NBEA: variants seen among roughly 807,000 people sequenced by gnomAD.
The protein encoded by NBEA is neurobeachin.
NBEA carries 44 observed loss-of-function variants against 343.4 expected under a neutral mutation model. The ratio of observed to expected loss-of-function variants is 0.13; its 90% CI spans 0.10 to 0.16. The LOEUF is 0.16. NBEA is among the 10% of genes least tolerant of loss of function. The probability of loss-of-function intolerance (pLI) is 1.00; values close to 1 mark genes in which losing one functional copy is unlikely to be tolerated. For synonymous variants in NBEA, 1,175 were observed against 1,238.7 expected, an observed-to-expected ratio of 0.95 and a Z score of 1.08; for missense variants, 2,555 against 3,631.3, an observed-to-expected ratio of 0.70 and a Z score of 7.62.
rs951956158 is a variant in NBEA, at chr13:35,498,173, G to A, written c.6585+25637G>A. Among the ~76,000 whole-genome samples, 183 of 152,020 alleles carry A rather than the reference G, an allele frequency of 1.2e-3. 2 individuals carry two copies. Among genetic ancestry groups the A allele is most frequent in the Non-Finnish European group, 2.8e-4 (19 of 67,956 alleles). ...CTTATAAGGATATTTTACTGTTTAT[G>A]TATAGGTTAAATACTTCACTTGTAA... On this transcript the variant is annotated intron_variant, in intron 41 of 58. Coordinates refer to ENST00000379939, the MANE Select transcript of NBEA (RefSeq NM_001385012.1).
chr13:35,251,401 C>T, intron 34 of NBEA: 1 of 1,047,474 alleles, frequency 9.5e-7, no homozygotes, highest in Non-Finnish European at 1.2e-6. Flanking sequence ...TGCCATCTGT[C>T]ACTACAGAGA....
rs562569613 is a variant in NBEA at position 35,141,069 on chromosome 13, C to T, written c.2337-1200C>T. 2.6e-5 allele frequency among the ~76,000 whole-genome samples: 4 copies of T among 152,178 alleles called. No individual in the cohort carries two copies. In the South Asian group the frequency reaches 8.3e-4, roughly 32 times the overall value. ...TCTTCACATTTTATTGGCTAGAACT[C>T]AGTTAAATAGTCACACTTAGCTATA... On this transcript the variant is annotated intron_variant, in intron 17 of 58. Coordinates refer to ENST00000379939, the MANE Select transcript of NBEA (RefSeq NM_001385012.1).
At chr13:35,277,520 C>T (rs564298253) in intron 34 of NBEA, among the ~76,000 whole-genome samples, 1 of 147,234 alleles carries the variant, frequency 6.8e-6, no homozygotes, top group Non-Finnish European at 1.5e-5. Context: ...ACTCAGGAGG[C>T]TGAGGCAGGA....
At chr13:35,229,534 A>C (rs961623206) in intron 33 of NBEA, among the ~76,000 whole-genome samples, 1 of 152,046 alleles carries the variant, frequency 6.6e-6, no homozygotes, top group Non-Finnish European at 1.5e-5. Context: ...TTTTTATAGG[A>C]CTTAAGGGCA....
chr13:35,171,212 GTATTA>G (rs778362066), intron 25 of NBEA, 55 bp from the exon 26 acceptor site: 3 of 1,260,204 alleles, frequency 2.4e-6, no homozygotes, highest in Non-Finnish European at 3.4e-6. Flanking sequence ...GTATGTATAT[GTATTA>G]TATTTCCAAA....
chr13:35,653,320 C>A (rs2084649862), intron 53 of NBEA, among the ~76,000 whole-genome samples: 1 of 127,724 alleles, frequency 7.8e-6, no homozygotes, highest in Non-Finnish European at 1.6e-5. Context: ...GTGTTTTATT[C>A]TTGGGTTCTT....
At chr13:35,314,773 T>C (rs1388237021) in intron 36 of NBEA, among the ~76,000 whole-genome samples, 3 of 152,206 alleles carry the variant, frequency 2.0e-5, no homozygotes, top group Non-Finnish European at 4.4e-5. Context: ...TTACAGCTGC[T>C]ATAAGTCCTT....
chr13:35,479,141 TAG>T (rs1377555306), intron 41 of NBEA, among the ~76,000 whole-genome samples: 1 of 152,248 alleles, frequency 6.6e-6, no homozygotes, highest in Non-Finnish European at 1.5e-5. Flanking sequence ...TCATTAGATC[TAG>T]AGTGTTCAGG....
rs1050419853 is a variant in NBEA, at chr13:35,090,078, A to G, written c.1572-8219A>G. On this transcript the variant is annotated intron_variant, in intron 10 of 58. Coordinates refer to ENST00000379939, the MANE Select transcript of NBEA (RefSeq NM_001385012.1). ...AGTATAATAAAATAAATAAATAAAT[A>G]AATAAATAAATAAAAATCTGGCTGT... is the stretch of plus-strand genomic sequence containing the variant. Among the ~76,000 whole-genome samples the G allele has an allele frequency of 2.6e-5, 4 of 151,176 alleles. No individual in the cohort carries two copies. The East Asian group carries it at 5.8e-4, about 22-fold the overall frequency.
intron 16 of NBEA, 90 bp from the exon 17 acceptor site, chr13:35,123,392 C>A: frequency 3.3e-6 from 2 of 599,198 alleles, no homozygotes; most frequent in Non-Finnish European, 5.2e-6. Flanking sequence ...TTTTATATTT[C>A]ACATATGTAT....
chr13:35,446,658 A>G (rs1723879479), intron 39 of NBEA, among the ~76,000 whole-genome samples: 1 of 152,164 alleles, frequency 6.6e-6, no homozygotes, highest in Non-Finnish European at 1.5e-5. Context: ...TATGAGGTGC[A>G]AAGAGGCCAA....
intron 47 of NBEA, among the ~76,000 whole-genome samples, chr13:35,594,843 C>T (rs2153044412): frequency 6.6e-6 from 1 of 151,966 alleles, no homozygotes; most frequent in South Asian, 2.1e-4. Flanking sequence ...TAATTGAAGG[C>T]TTCTTATCGC....
intron 27 of NBEA, 131 bp downstream of exon 27, chr13:35,173,725 C>T: frequency 1.4e-6 from 1 of 726,234 alleles, no homozygotes; most frequent in Non-Finnish European, 2.0e-6. Flanking sequence ...CAGCTCTAGG[C>T]TGCTTAACAA....
intron 34 of NBEA, among the ~76,000 whole-genome samples, chr13:35,272,029 C>T (rs1047897871): frequency 1.3e-4 from 19 of 151,986 alleles, no homozygotes; most frequent in African/African-American, 3.1e-4. Context: ...CTCCTCGAGA[C>T]GAGCCACCCC....
At chr13:35,349,595 TC>T (rs2040070812) in intron 37 of NBEA, among the ~76,000 whole-genome samples, 1 of 148,460 alleles carries the variant, frequency 6.7e-6, no homozygotes, top group Non-Finnish European at 1.5e-5. Context: ...CATATAAGAT[TC>T]AAAAAAATCT....
chr13:34,943,244 C>A, intron 1 of NBEA, 130 bp downstream of exon 1: 1 of 1,232,200 alleles, frequency 8.1e-7, no homozygotes, highest in Non-Finnish European at 1.1e-6. Context: ...GAGCGTTCAG[C>A]CGGTATTGCC....
intron 30 of NBEA, among the ~76,000 whole-genome samples, chr13:35,192,128 A>G (rs1030308020): frequency 1.3e-5 from 2 of 152,044 alleles, no homozygotes; most frequent in Non-Finnish European, 2.9e-5. Context: ...AGAGCTATTG[A>G]AAACTTACAT....
intron 44 of NBEA, 35 bp from the exon 45 acceptor site, chr13:35,566,870 G>C (rs1442475072): frequency 8.8e-7 from 1 of 1,138,596 alleles, no homozygotes; most frequent in Admixed American, 2.0e-5. Context: ...AGCATTTTGT[G>C]TGTACAAATT....
chr13:35,314,756 A>T (rs9593084), intron 36 of NBEA, among the ~76,000 whole-genome samples: 1 of 152,128 alleles, frequency 6.6e-6, no homozygotes, highest in Admixed American at 6.6e-5. Context: ...AATATATATG[A>T]TATTTATTAC....
Sources: gnomAD v4.1 joint callset for allele counts (sites outside exome capture counted in the v4.1 genomes callset) on GRCh38, gnomAD v4.1.1 for gene constraint, MANE v1.5 for transcripts, NCBI Gene and HGNC (gene_info 2026-07-23, HGNC 2026-07-21) for gene names.